The following SDK1 variants were observed in gnomAD, a reference collection of about 807,000 sequenced individuals.
SDK1 encodes sidekick cell adhesion molecule 1, also known as protein sidekick-1.
A neutral mutation model predicts 245.5 loss-of-function variants in SDK1; 157 were observed. That is an observed-to-expected ratio of 0.64 (90% CI 0.56 to 0.73). SDK1 has a LOEUF of 0.73. Ranked by LOEUF, SDK1 falls within the 30% of genes least tolerant of loss-of-function variation. The pLI is 0.00. For synonymous variants in SDK1, 1,647 were observed against 1,278.5 expected, an observed-to-expected ratio of 1.29 and a Z score of -6.15; for missense variants, 3,583 against 3,002.3, an observed-to-expected ratio of 1.19 and a Z score of -4.52.
chr7:3,493,721 T>A (rs1367350887), intron 1 of SDK1, among the ~76,000 whole-genome samples: 1 of 152,246 alleles, frequency 6.6e-6, no homozygotes, highest in African/African-American at 2.4e-5. Flanking sequence ...ATTCTTGTGT[T>A]AACTCACAAT....
chr7:3,321,835 T>TC (rs1779821758), intron 1 of SDK1, among the ~76,000 whole-genome samples: 1 of 121,694 alleles, frequency 8.2e-6, no homozygotes, highest in African/African-American at 3.6e-5. Flanking sequence ...CTTCCTCCTT[T>TC]TCTCTCTCTC....
Position 4,265,243 on chromosome 7 carries a change from G to A in SDK1, c.6501G>A (p.Pro2167=), listed in dbSNP as rs757684999. The A allele has an allele frequency of 5.6e-6, 9 of 1,606,300 alleles. No individual in the cohort carries two copies. Among genetic ancestry groups the A allele is most frequent in the East Asian group, 2.2e-5 (1 of 44,802 alleles). The change falls in exon 45 of 45, where the codon CCG becomes CCA. Residue 2167 remains proline (P), a synonymous_variant. Transcript: ENST00000404826. ...KRRAQGRAPA[P]HRYEAVAGSE... ...GGGCCCAGGGCCGCGCACCTGCGCC[G>A]CACAGGTACGAGGCGGTGGCGGGCT...
At chr7:3,698,200 C>T (rs375009272) in intron 4 of SDK1, among the ~76,000 whole-genome samples, 16 of 152,240 alleles carry the variant, frequency 1.1e-4, no homozygotes, top group African/African-American at 1.9e-4. Context: ...CAAATACTAC[C>T]GAAGAAAACT....
intron 4 of SDK1, among the ~76,000 whole-genome samples, chr7:3,801,311 G>T (rs556668879): frequency 1.3e-5 from 2 of 152,166 alleles, no homozygotes; most frequent in South Asian, 2.1e-4. Flanking sequence ...CTTCTCTTTG[G>T]AGCATAGTGC....
intron 1 of SDK1, among the ~76,000 whole-genome samples, chr7:3,493,594 C>T (rs1781931069): frequency 6.6e-6 from 1 of 152,162 alleles, no homozygotes; most frequent in Non-Finnish European, 1.5e-5. Context: ...TATTATTTAA[C>T]TAAAGGAAAG....
At chr7:3,637,026 G>A (rs1334802911) in intron 2 of SDK1, among the ~76,000 whole-genome samples, 1 of 150,084 alleles carries the variant, frequency 6.7e-6, no homozygotes, top group African/African-American at 2.5e-5. Context: ...AAATTAAGTT[G>A]TTTTTTTAAG....
intron 1 of SDK1, among the ~76,000 whole-genome samples, chr7:3,393,923 T>G (rs1051175126): frequency 1.3e-5 from 2 of 152,170 alleles, no homozygotes; most frequent in African/African-American, 4.8e-5. Flanking sequence ...ATCTGAGCTT[T>G]AAAGAGTTAG....
chr7:4,249,468 G>A (rs1787148172), intron 44 of SDK1, among the ~76,000 whole-genome samples: 1 of 152,194 alleles, frequency 6.6e-6, no homozygotes, highest in African/African-American at 2.4e-5. Flanking sequence ...TGCCTTTTGG[G>A]TGACAGGCTG....
Position 4,173,543 on chromosome 7 carries a change from A to G in SDK1, c.4801-679A>G, listed in dbSNP as rs115156846. Among the ~76,000 whole-genome samples, 460 of 152,238 alleles carry G rather than the reference A, an allele frequency of 3.0e-3. 2 individuals carry two copies. The highest frequency in any genetic ancestry group is 0.011 in the African/African-American group (443 of 41,554). ...CTTATCTGCCTGTGCTCCCTATTCCATGGGAGTCTAATGTGTGTCTAATGA... is the reference window on the plus strand; with the variant it reads ...CTTATCTGCCTGTGCTCCCTATTCCGTGGGAGTCTAATGTGTGTCTAATGA... On this transcript the variant is annotated intron_variant, in intron 32 of 44. Coordinates refer to ENST00000404826, the MANE Select transcript of SDK1 (RefSeq NM_152744.4).
intron 20 of SDK1, among the ~76,000 whole-genome samples, chr7:4,074,049 C>T (rs1290642186): frequency 1.3e-5 from 2 of 152,106 alleles, no homozygotes; most frequent in Non-Finnish European, 1.5e-5. Context: ...TAGGGTTGTC[C>T]TGTTGCATTT....
intron 1 of SDK1, among the ~76,000 whole-genome samples, chr7:3,473,291 C>T (rs1323445332): frequency 6.6e-6 from 1 of 152,184 alleles, no homozygotes; most frequent in Non-Finnish European, 1.5e-5. Context: ...CACCCCAAAT[C>T]CTTTCCCAAA....
At chr7:4,215,819 C>T (rs146745853) in intron 38 of SDK1, among the ~76,000 whole-genome samples, 503 of 152,264 alleles carry the variant, frequency 3.3e-3, no homozygotes, top group African/African-American at 9.7e-3. Flanking sequence ...TCCTGACTAT[C>T]GGCTGGGCAC....
At chr7:3,401,850 A>G (rs980223945) in intron 1 of SDK1, among the ~76,000 whole-genome samples, 2 of 152,178 alleles carry the variant, frequency 1.3e-5, no homozygotes, top group African/African-American at 4.8e-5. Context: ...ATAAATGCCT[A>G]GTTATTAAAT....
chr7:3,752,560 C>A (rs1478009168), intron 4 of SDK1, among the ~76,000 whole-genome samples: 2 of 152,086 alleles, frequency 1.3e-5, no homozygotes, highest in Admixed American at 1.3e-4. Flanking sequence ...CCAGCAGATG[C>A]CTTTAAAGAC....
intron 35 of SDK1, among the ~76,000 whole-genome samples, chr7:4,185,743 G>A (rs1782851970): frequency 6.6e-6 from 1 of 152,096 alleles, no homozygotes; most frequent in Non-Finnish European, 1.5e-5. Context: ...TGAGGGCAGG[G>A]ACCCCTCTTA....
At chr7:3,814,761 C>A (rs1583442293) in intron 4 of SDK1, among the ~76,000 whole-genome samples, 3 of 150,310 alleles carry the variant, frequency 2.0e-5, no homozygotes, top group Non-Finnish European at 4.4e-5. Context: ...AATGTTCTTC[C>A]ATTTGTTTGT....
intron 5 of SDK1, among the ~76,000 whole-genome samples, chr7:3,918,557 G>A (rs1779469310): frequency 6.6e-6 from 1 of 152,196 alleles, no homozygotes; most frequent in Admixed American, 6.5e-5. Context: ...CTACGTGATG[G>A]TGAGTTGTAT....
chr7:3,860,324 G>A (rs1279224460), intron 5 of SDK1, among the ~76,000 whole-genome samples: 5 of 151,928 alleles, frequency 3.3e-5, no homozygotes, highest in East Asian at 1.9e-4. Context: ...GTAATCACTC[G>A]AAAAAAGACA....
chr7:3,942,287 G>A (rs1780397779), intron 5 of SDK1, among the ~76,000 whole-genome samples: 1 of 152,154 alleles, frequency 6.6e-6, no homozygotes, highest in Non-Finnish European at 1.5e-5. Context: ...AGATAAATAA[G>A]ACATGCGTCC....
Sources: allele counts gnomAD v4.1 joint callset (sites outside exome capture counted in the v4.1 genomes callset), GRCh38; gene constraint gnomAD v4.1.1; transcripts MANE v1.5; gene names NCBI Gene and HGNC (gene_info 2026-07-23, HGNC 2026-07-21).